The following FOXN2 variants were observed in gnomAD, a reference collection of about 807,000 sequenced individuals.
FOXN2 encodes the protein forkhead box N2, also known as forkhead box protein N2.
In FOXN2, 19 loss-of-function variants were observed where a neutral mutation model predicts 41.2. That is an observed-to-expected ratio of 0.46 (90% CI 0.32 to 0.68). FOXN2 has a LOEUF of 0.68. FOXN2 is among the 30% of genes least tolerant of loss of function. The probability of loss-of-function intolerance (pLI) is 0.03; values close to 1 mark genes in which losing one functional copy is unlikely to be tolerated. For missense variants in FOXN2, 587 were observed against 509.4 expected, an observed-to-expected ratio of 1.15 and a Z score of -1.47; for synonymous variants, 195 against 176.8, an observed-to-expected ratio of 1.10 and a Z score of -0.82.
At chr2:48,372,052 G>T (rs1366107210) in intron 5 of FOXN2, among the ~76,000 whole-genome samples, 3 of 152,064 alleles carry the variant, frequency 2.0e-5, no homozygotes, top group Non-Finnish European at 4.4e-5. Flanking sequence ...TCTGGCTAGG[G>T]CTTCCAGTAC....
At chr2:48,357,264 A>C (rs1214521477) in intron 3 of FOXN2, among the ~76,000 whole-genome samples, 1 of 152,206 alleles carries the variant, frequency 6.6e-6, no homozygotes, top group Non-Finnish European at 1.5e-5. Flanking sequence ...TCAAGGAAAT[A>C]GCAACTCTAC....
At chr2:48,314,156 C>A (rs1668720582), upstream of FOXN2, among the ~76,000 whole-genome samples, 1 of 152,264 alleles carries the variant, frequency 6.6e-6, no homozygotes, top group Non-Finnish European at 1.5e-5. Flanking sequence ...GGCGGAAGGT[C>A]TTGCGGAAAC....
chr2:48,367,547 G>T (rs909784818), intron 5 of FOXN2, among the ~76,000 whole-genome samples: 1 of 152,184 alleles, frequency 6.6e-6, no homozygotes, highest in Non-Finnish European at 1.5e-5. Context: ...ACAAGAGACA[G>T]CTTCTCCATC....
chr2:48,371,490 C>G (rs1156302183), intron 5 of FOXN2, among the ~76,000 whole-genome samples: 2 of 151,888 alleles, frequency 1.3e-5, no homozygotes, highest in Non-Finnish European at 2.9e-5. Context: ...ATGCCAGTAC[C>G]TTGCTTTTTT....
At chr2:48,346,178 G>A (rs1217097897) in intron 2 of FOXN2, 23 bp from the exon 3 acceptor site, 1 of 1,535,668 alleles carries the variant, frequency 6.5e-7, no homozygotes, top group African/African-American at 1.4e-5. Flanking sequence ...GTATTACATT[G>A]ATAATTGTTT....
intron 5 of FOXN2, among the ~76,000 whole-genome samples, chr2:48,368,493 C>T (rs955172267): frequency 6.6e-6 from 1 of 151,938 alleles, no homozygotes; most frequent in Non-Finnish European, 1.5e-5. Flanking sequence ...GGTGAAACCC[C>T]ATCTCTAGGG....
chr2:48,331,581 G>T (rs923300547), intron 2 of FOXN2, among the ~76,000 whole-genome samples: 1 of 152,090 alleles, frequency 6.6e-6, no homozygotes, highest in Admixed American at 6.5e-5. Context: ...TTAGGGAGGG[G>T]CCAAGGCAAG....
At position 48,333,686 on chromosome 2, in the gene FOXN2, C is replaced by G. The variant is rs562267731; in HGVS notation, c.-15+4984C>G. On this transcript the variant is annotated intron_variant, in intron 2 of 6. Coordinates refer to ENST00000340553, the MANE Select transcript of FOXN2 (RefSeq NM_002158.4). ...TGTAACAGATAATAAATCTAAAAGT[C>G]CATTTCCATGATTTAGAAATCCAAA... Among the ~76,000 whole-genome samples the G allele has an allele frequency of 7.9e-5, 12 of 152,194 alleles. No homozygotes were observed. The South Asian group carries it at 2.5e-3, about 32-fold the overall frequency.
At chr2:48,371,040 A>T (rs1672859873) in intron 5 of FOXN2, among the ~76,000 whole-genome samples, 1 of 151,918 alleles carries the variant, frequency 6.6e-6, no homozygotes, top group African/African-American at 2.4e-5. Context: ...CTTTTGTATC[A>T]TTTATTGAAG....
In FOXN2 at chr2:48,374,904, C is replaced by T. The variant is rs778248160; in HGVS notation, c.773-16C>T. Reference sequence around the variant, plus strand: ...AAACACATTTGACCTATTGATGGAACTTTTATTTTCCACAGGTGAGAAGCC... The same window carrying T: ...AAACACATTTGACCTATTGATGGAATTTTTATTTTCCACAGGTGAGAAGCC... On this transcript the variant is annotated splice_polypyrimidine_tract_variant and intron_variant, in intron 6 of 6. Transcript: ENST00000340553. 3 of 1,579,952 alleles carry T rather than the reference C, an allele frequency of 1.9e-6. No homozygotes were observed. Among genetic ancestry groups the T allele is most frequent in the Middle Eastern group, 1.7e-4 (1 of 5,894 alleles).
intron 3 of FOXN2, among the ~76,000 whole-genome samples, chr2:48,347,007 GT>G (rs1171521706): frequency 6.6e-6 from 1 of 151,906 alleles, no homozygotes; most frequent in Non-Finnish European, 1.5e-5. Flanking sequence ...TTTGTTTCTA[GT>G]TTCTGTAGTG....
At chr2:48,325,990 A>C (rs1669647993) in intron 1 of FOXN2, among the ~76,000 whole-genome samples, 1 of 152,054 alleles carries the variant, frequency 6.6e-6, no homozygotes, top group Non-Finnish European at 1.5e-5. Flanking sequence ...CTGGGGTTAA[A>C]GGCACATGCC....
intron 2 of FOXN2, among the ~76,000 whole-genome samples, chr2:48,330,664 A>G (rs1669967853): frequency 6.6e-6 from 1 of 152,016 alleles, no homozygotes; most frequent in Non-Finnish European, 1.5e-5. Context: ...TGCTGATGAC[A>G]TGCAGTTCTT....
Position 48,373,327 on chromosome 2 carries a change from T to C in FOXN2, c.739T>C (p.Leu247=). The C allele has an allele frequency of 1.9e-6, 3 of 1,592,212 alleles. No homozygotes were observed. The Middle Eastern group carries it at 5.0e-4, about 266-fold the overall frequency. ...TGATGCTGCTGCTGCAATGATGCTT[T>C]TAAATACTTCTATAGAACAAGGAAT... The part of the protein sequence containing the change: ...DIDAAAAMML[L]NTSIEQGILE... Residue 247 remains leucine, a synonymous_variant, in exon 6 of 7, where the codon TTA becomes CTA. Transcript: ENST00000340553.
intron 1 of FOXN2, among the ~76,000 whole-genome samples, chr2:48,322,996 G>A (rs976748481): frequency 6.6e-6 from 1 of 151,380 alleles, no homozygotes; most frequent in Non-Finnish European, 1.5e-5. Flanking sequence ...TAAGATGCAT[G>A]TAAGTAAATA....
At chr2:48,341,490 A>G (rs1207493043) in intron 2 of FOXN2, among the ~76,000 whole-genome samples, 1 of 152,200 alleles carries the variant, frequency 6.6e-6, no homozygotes, top group Non-Finnish European at 1.5e-5. Flanking sequence ...TAATGAGAAT[A>G]CTAGAATATA....
intron 2 of FOXN2, among the ~76,000 whole-genome samples, chr2:48,336,042 TAATAA>T (rs1456076024): frequency 7.3e-6 from 1 of 136,796 alleles, no homozygotes; most frequent in Admixed American, 7.3e-5. Flanking sequence ...AAAAAAAAAA[TAATAA>T]AATAAAAAAT....
intron 6 of FOXN2, 106 bp from the exon 7 acceptor site, chr2:48,374,814 T>G: frequency 1.1e-6 from 1 of 916,056 alleles, no homozygotes; most frequent in South Asian, 1.9e-5. Context: ...CAAAGCATCA[T>G]GAATCTAAAA....
chr2:48,313,780 G>A (rs115595882), upstream of FOXN2, among the ~76,000 whole-genome samples: 1 of 152,184 alleles, frequency 6.6e-6, no homozygotes, highest in African/African-American at 2.4e-5. Flanking sequence ...AAGTTTCCAT[G>A]AGTTAGATAG....
Sources: gnomAD v4.1 joint callset for allele counts (sites outside exome capture counted in the v4.1 genomes callset) on GRCh38, gnomAD v4.1.1 for gene constraint, MANE v1.5 for transcripts, NCBI Gene and HGNC (gene_info 2026-07-23, HGNC 2026-07-21) for gene names.